PDE8B: variants seen among roughly 807,000 people sequenced by gnomAD.
PDE8B encodes high affinity cAMP-specific and IBMX-insensitive 3',5'-cyclic phosphodiesterase 8B.
PDE8B carries 26 observed loss-of-function variants against 101.3 expected under a neutral mutation model. That is an observed-to-expected ratio of 0.26 (90% CI 0.19 to 0.36). The LOEUF (loss-of-function observed/expected upper bound fraction) is 0.36. Ranked by LOEUF, PDE8B falls within the 10% of genes least tolerant of loss-of-function variation. PDE8B has a pLI of 1.00. For synonymous variants in PDE8B, 424 were observed against 429.3 expected (o/e 0.99, Z 0.15); for missense variants, 810 against 1,163.1 (o/e 0.70, Z 4.42).
At chr5:77,410,273 C>A (rs1380212601) in intron 14 of PDE8B, among the ~76,000 whole-genome samples, 1 of 152,286 alleles carries the variant, frequency 6.6e-6, no homozygotes, top group Non-Finnish European at 1.5e-5. Flanking sequence ...TCAGAGGCAG[C>A]ACTGCACTCA....
intron 10 of PDE8B, among the ~76,000 whole-genome samples, chr5:77,361,796 G>A (rs1581241256): frequency 6.6e-6 from 1 of 152,146 alleles, no homozygotes; most frequent in Non-Finnish European, 1.5e-5. Flanking sequence ...TTACAGGCTT[G>A]AGCCACTGTG....
At chr5:77,354,418 A>G (rs1781714716) in intron 10 of PDE8B, among the ~76,000 whole-genome samples, 1 of 152,252 alleles carries the variant, frequency 6.6e-6, no homozygotes, top group Non-Finnish European at 1.5e-5. Context: ...CCATGAAGTC[A>G]TGCAAGAGGC....
intron 10 of PDE8B, among the ~76,000 whole-genome samples, chr5:77,385,359 C>T (rs1788328993): frequency 1.3e-5 from 2 of 151,486 alleles, no homozygotes; most frequent in Non-Finnish European, 2.9e-5. Context: ...TGATTCTTCT[C>T]TCTTTTCTTC....
rs1204740023 is a variant in PDE8B at position 77,211,210 on chromosome 5, C to A, written c.285C>A (p.Arg95=). Residue 95 remains arginine (R), a synonymous_variant, in exon 1 of 22, where the codon CGC becomes CGA. Transcript: ENST00000264917. This position sits in a 1 kb window ranked among gnomAD's most constrained non-coding sequence, Gnocchi z 4.1. ...PAATTSRGRR[R]HCCSSAEAET... is the part of the protein sequence containing the mutation. The stretch of plus-strand genomic sequence containing the variant: ...CGACCACCAGCAGGGGCCGGAGGCG[C>A]CACTGCTGCAGCAGCGCCGAGGCCG... 1 of 1,570,064 alleles carries A rather than the reference C, an allele frequency of 6.4e-7. No homozygotes were observed. The highest frequency in any genetic ancestry group is 8.6e-7 in the Non-Finnish European group (1 of 1,166,506).
Position 77,211,312 on chromosome 5 carries a change from G to C in PDE8B, c.339+48G>C, listed in dbSNP as rs748851253. ...CGCCGTGGGGGCCGTCCGCCCCGTC[G>C]GCGGGGCTCGCACGGGTAGGGGGCT... is the stretch of plus-strand genomic sequence containing the variant. On this transcript the variant is annotated intron_variant, in intron 1 of 21. Transcript: ENST00000264917. This position sits in a 1 kb window ranked among gnomAD's most constrained non-coding sequence, Gnocchi z 4.1. The C allele has an allele frequency of 1.8e-4, 278 of 1,507,658 alleles. No homozygotes were observed. Among genetic ancestry groups the C allele is most frequent in the Non-Finnish European group, 2.3e-4 (259 of 1,132,500 alleles). The allele number at this position is 1,507,658 out of a possible 1,614,324, so 93.4% of individuals were successfully genotyped here.
chr5:77,424,419 T>C (rs335640), intron 20 of PDE8B, among the ~76,000 whole-genome samples: 112,105 of 152,178 alleles, frequency 0.74, 41,920 homozygotes, highest in African/African-American at 0.86. Flanking sequence ...CCTTCTGGCT[T>C]AATACACCAC....
intron 1 of PDE8B, among the ~76,000 whole-genome samples, chr5:77,285,703 C>T (rs1011582635): frequency 6.6e-6 from 1 of 152,088 alleles, no homozygotes. Context: ...TCTCACTTTT[C>T]TCCACCTGGG....
intron 19 of PDE8B, among the ~76,000 whole-genome samples, chr5:77,421,414 A>C (rs182944060): frequency 9.5e-4 from 145 of 152,318 alleles, no homozygotes; most frequent in African/African-American, 3.4e-3. Context: ...AAATGCATTA[A>C]AGTAGCTAAA....
intron 10 of PDE8B, among the ~76,000 whole-genome samples, chr5:77,369,788 C>T (rs985868271): frequency 2.0e-5 from 3 of 152,162 alleles, no homozygotes; most frequent in African/African-American, 7.2e-5. Flanking sequence ...CTGGCACAGG[C>T]CACTCACAAC....
chr5:77,146,682 C>A, the PDE8B span: 1 of 296,766 alleles, frequency 3.4e-6, no homozygotes, highest in South Asian at 4.2e-5. Flanking sequence ...GTCAACTTCT[C>A]AGTTTTCTAG....
chr5:77,089,794 G>A, the PDE8B span, among the ~76,000 whole-genome samples: 9 of 152,202 alleles, frequency 5.9e-5, no homozygotes, highest in East Asian at 1.3e-3. Context: ...TTCCACCACT[G>A]GTTATTTATC....
chr5:77,246,149 G>T (rs1756892457), intron 1 of PDE8B, among the ~76,000 whole-genome samples: 1 of 152,002 alleles, frequency 6.6e-6, no homozygotes, highest in Non-Finnish European at 1.5e-5. Flanking sequence ...ATCATGCCCT[G>T]CCCTATTGTC....
chr5:77,098,326 C>G, the PDE8B span, among the ~76,000 whole-genome samples: 1 of 151,782 alleles, frequency 6.6e-6, no homozygotes, highest in East Asian at 1.9e-4. Context: ...TTCTGTCACC[C>G]AGACTGGGAT....
the PDE8B span, among the ~76,000 whole-genome samples, chr5:77,129,835 C>T: frequency 6.6e-5 from 10 of 152,258 alleles, no homozygotes; most frequent in South Asian, 6.2e-4. Context: ...CACTGTTTGA[C>T]GTGCACATTT....
At chr5:77,204,254 T>TA in the PDE8B span, among the ~76,000 whole-genome samples, 3 of 151,394 alleles carry the variant, frequency 2.0e-5, no homozygotes, top group Admixed American at 6.6e-5. Flanking sequence ...ACTAAAAATA[T>TA]AAAAAAATTA....
intron 12 of PDE8B, among the ~76,000 whole-genome samples, chr5:77,405,395 A>ATG (rs1302995193): frequency 6.6e-6 from 1 of 152,200 alleles, no homozygotes; most frequent in Admixed American, 6.5e-5. Flanking sequence ...ATATACAGAA[A>ATG]TGGAAACGTC....
chr5:77,267,983 A>G (rs1260454645), intron 1 of PDE8B, among the ~76,000 whole-genome samples: 1 of 152,094 alleles, frequency 6.6e-6, no homozygotes, highest in Admixed American at 6.6e-5. Flanking sequence ...CTTACAGAAC[A>G]GTTTGCATTT....
the PDE8B span, among the ~76,000 whole-genome samples, chr5:77,153,646 C>T: frequency 3.3e-5 from 5 of 149,806 alleles, no homozygotes; most frequent in African/African-American, 1.2e-4. Context: ...ATGATCTCAG[C>T]TCACTGCAAC....
chr5:77,102,945 T>C, the PDE8B span, among the ~76,000 whole-genome samples: 3 of 152,188 alleles, frequency 2.0e-5, no homozygotes, highest in African/African-American at 7.2e-5. Context: ...TCAGAGTAGG[T>C]CGGGCAGCTT....
Sources: allele counts gnomAD v4.1 joint callset (sites outside exome capture counted in the v4.1 genomes callset), GRCh38; gene constraint gnomAD v4.1.1; non-coding constraint Gnocchi (gnomAD v3.1); transcripts MANE v1.5; gene names NCBI Gene and HGNC (gene_info 2026-07-23, HGNC 2026-07-21).